Variants in TEX14 observed in about 807,000 individuals in gnomAD.
TEX14 encodes inactive serine/threonine-protein kinase TEX14.
A neutral mutation model predicts 178.6 loss-of-function variants in TEX14; 168 were observed. The observed-to-expected ratio is 0.94, with a 90% CI of 0.83 to 1.07. The LOEUF is 1.07. TEX14 is among the 50% of genes least tolerant of loss of function. TEX14 has a pLI of 0.00. For missense variants in TEX14, 1,730 were observed against 1,753.6 expected (o/e 0.99, Z 0.24); for synonymous variants, 626 against 634.1 (o/e 0.99, Z 0.19).
chr17:58,589,544 C>A (rs886163624), intron 15 of TEX14, among the ~76,000 whole-genome samples: 2 of 121,520 alleles, frequency 1.6e-5, no homozygotes, highest in South Asian at 2.9e-4. Context: ...GGCAACAGTG[C>A]GAGACTCCGT....
At chr17:58,650,133 C>G (rs936186111) in intron 2 of TEX14, among the ~76,000 whole-genome samples, 7 of 152,110 alleles carry the variant, frequency 4.6e-5, no homozygotes, top group African/African-American at 7.2e-5. Context: ...TCTAGGCTCA[C>G]TGCAACCTCT....
At chr17:58,562,170 G>T (rs547356482) in intron 28 of TEX14, among the ~76,000 whole-genome samples, 25 of 152,302 alleles carry the variant, frequency 1.6e-4, no homozygotes, top group African/African-American at 5.8e-4. Context: ...CACCTATTAA[G>T]ATCACTGCTT....
At chr17:58,571,275 G>C (rs1267546) in intron 24 of TEX14, among the ~76,000 whole-genome samples, 3 of 138,660 alleles carry the variant, frequency 2.2e-5, no homozygotes, top group African/African-American at 8.3e-5. Context: ...TCACTCTGTC[G>C]CCCAGGCTGG....
chr17:58,651,991 G>A lies in TEX14; in HGVS notation c.11C>T (p.Ala4Val). The A allele has an allele frequency of 6.3e-7, 1 of 1,584,172 alleles. No individual in the cohort carries two copies. Among genetic ancestry groups the A allele is most frequent in the East Asian group, 2.3e-5 (1 of 43,996 alleles). MSR[A>V]VRLPVPCPVQ... ...AGGACAGGGGACTGGAAGACGAACA[G>A]CCCGAGACATCCTGTTCCAAAAGAG... Residue 4 changes from alanine to valine, a missense_variant, in exon 2 of 32, where the codon GCT becomes GTT. Transcript: ENST00000349033.
chr17:58,585,608 A>ATGT (rs1321985045), intron 18 of TEX14, among the ~76,000 whole-genome samples, 193 bp downstream of exon 18: 4 of 127,696 alleles, frequency 3.1e-5, no homozygotes, highest in Admixed American at 1.6e-4. Context: ...CGCCCAGCTA[A>ATGT]TGTTTTTTTT....
intron 20 of TEX14, among the ~76,000 whole-genome samples, 153 bp from the exon 21 acceptor site, chr17:58,577,609 G>C (rs1218619167): frequency 1.3e-5 from 2 of 152,084 alleles, no homozygotes; most frequent in Non-Finnish European, 2.9e-5. Flanking sequence ...AATTGGGTTT[G>C]GATTGAGTGC....
chr17:58,642,126 T>A (rs1320972578), intron 2 of TEX14, among the ~76,000 whole-genome samples: 1 of 152,238 alleles, frequency 6.6e-6, no homozygotes, highest in African/African-American at 2.4e-5. Flanking sequence ...ACCCATTTAC[T>A]TCTAGGAAAA....
intron 28 of TEX14, among the ~76,000 whole-genome samples, chr17:58,563,701 A>C (rs1171047275): frequency 3.4e-3 from 60 of 17,518 alleles, no homozygotes; most frequent in Middle Eastern, 0.029. Flanking sequence ...AGAGAGAGAG[A>C]GCGCAAGATC....
Position 58,561,619 on chromosome 17 carries a change from A to C in TEX14, c.4065-7T>G. The C allele has an allele frequency of 1.3e-6, 2 of 1,599,038 alleles. No homozygotes were observed. The highest frequency in any genetic ancestry group is 4.5e-5 in the East Asian group (2 of 44,782). On this transcript the variant is annotated splice_polypyrimidine_tract_variant and splice_region_variant and intron_variant, in intron 28 of 31. Coordinates refer to ENST00000349033, the MANE Select transcript of TEX14 (RefSeq NM_031272.5). ...ATCCAGAGTAGAGTGAGCTCTGTTT[A>C]AGGACAAGTGAAGAGAATGGAGACA... is the stretch of plus-strand genomic sequence containing the variant.
chr17:58,567,440 T>A (rs902465382), intron 26 of TEX14, among the ~76,000 whole-genome samples: 1 of 152,092 alleles, frequency 6.6e-6, no homozygotes, highest in African/African-American at 2.4e-5. Flanking sequence ...TTAATATAAT[T>A]TGAAATTTAA....
chr17:58,676,145 G>A (rs770620332), intron 1 of TEX14, among the ~76,000 whole-genome samples: 1 of 152,186 alleles, frequency 6.6e-6, no homozygotes, highest in Non-Finnish European at 1.5e-5. Context: ...GAAGGCTGAC[G>A]CAGGCAGATC....
chr17:58,587,474 A>G (rs1040801182), intron 17 of TEX14, 107 bp downstream of exon 17: 3 of 648,744 alleles, frequency 4.6e-6, no homozygotes, highest in East Asian at 3.2e-5. Flanking sequence ...GGACATTGCT[A>G]TGGTTCTAAA....
intron 31 of TEX14, among the ~76,000 whole-genome samples, chr17:58,557,590 A>G (rs570198054): frequency 2.5e-4 from 38 of 151,794 alleles, no homozygotes; most frequent in African/African-American, 8.5e-4. Flanking sequence ...TCTTATGCTG[A>G]CTCTATCACT....
At chr17:58,559,671 A>G (rs191413606) in intron 29 of TEX14, 109 bp from the exon 30 acceptor site, 52 of 666,370 alleles carry the variant, frequency 7.8e-5, no homozygotes, top group Admixed American at 1.7e-4. Flanking sequence ...ACAAAACCAT[A>G]TAATAGCTAG....
chr17:58,660,993 T>C, intron 1 of TEX14: 2 of 1,176,762 alleles, frequency 1.7e-6, no homozygotes, highest in Admixed American at 3.4e-5. Context: ...CTGATATCAA[T>C]CCACCTCTGA....
chr17:58,654,505 CT>C lies in TEX14; in HGVS notation c.-1-2504del, dbSNP rs1267652949. Among the ~76,000 whole-genome samples the C allele has an allele frequency of 2.8e-3, 373 of 135,326 alleles. 1 individual carries two copies. The highest frequency in any genetic ancestry group is 0.015 in the East Asian group (71 of 4,656). 88.8% of individuals were successfully genotyped at this position (135,326 alleles called of 152,430 possible). A position where few individuals can be genotyped will look rare whatever the true frequency, so the allele number is the denominator to read the frequency against. Reference sequence around the variant, plus strand: ...TTGGAAAAAAAAAAACAACTTGTAACTTTTTTTTTTTTTTTTTTGGAGACAG... The same window carrying C: ...TTGGAAAAAAAAAAACAACTTGTAACTTTTTTTTTTTTTTTTTGGAGACAG... On this transcript the variant is annotated intron_variant, in intron 1 of 31. Coordinates refer to ENST00000349033, the MANE Select transcript of TEX14 (RefSeq NM_031272.5).
At chr17:58,685,919 T>C (rs1265223725) in intron 1 of TEX14, among the ~76,000 whole-genome samples, 1 of 134,738 alleles carries the variant, frequency 7.4e-6, no homozygotes, top group African/African-American at 2.9e-5. Flanking sequence ...CGCCTGAACA[T>C]GGGAGGTGGA....
chr17:58,583,090 C>G (rs1030824923), intron 19 of TEX14, among the ~76,000 whole-genome samples: 8 of 151,730 alleles, frequency 5.3e-5, no homozygotes, highest in Non-Finnish European at 1.2e-4. Flanking sequence ...CCTGCCTCAG[C>G]CTCCCGAATA....
At chr17:58,635,353 T>C (rs1279757139) in intron 2 of TEX14, among the ~76,000 whole-genome samples, 1 of 151,288 alleles carries the variant, frequency 6.6e-6, no homozygotes, top group Non-Finnish European at 1.5e-5. Flanking sequence ...AAGAAGAAAT[T>C]ACAGTCAAGG....
Sources: gnomAD v4.1 joint callset for allele counts (sites outside exome capture counted in the v4.1 genomes callset) on GRCh38, gnomAD v4.1.1 for gene constraint, MANE v1.5 for transcripts, NCBI Gene and HGNC (gene_info 2026-07-23, HGNC 2026-07-21) for gene names.